RGS7BP: variants seen among roughly 807,000 people sequenced by gnomAD.
RGS7BP encodes the protein regulator of G protein signaling 7-binding protein.
RGS7BP carries 9 observed loss-of-function variants against 31.3 expected under a neutral mutation model. The observed-to-expected ratio is 0.29, with a 90% confidence interval of 0.17 to 0.50. The LOEUF is 0.50. Ranked by LOEUF, RGS7BP falls within the 20% of genes least tolerant of loss-of-function variation. RGS7BP has a pLI of 0.98. For synonymous variants in RGS7BP, 115 were observed against 120.1 expected (o/e 0.96, Z 0.28); for missense variants, 274 against 322.0 (o/e 0.85, Z 1.14).
intron 2 of RGS7BP, among the ~76,000 whole-genome samples, chr5:64,556,769 A>G (rs1460790517): frequency 6.6e-6 from 1 of 151,580 alleles, no homozygotes; most frequent in Non-Finnish European, 1.5e-5. Context: ...TATTATTTTT[A>G]TTTGACATTA....
chr5:64,556,358 TG>T (rs1194780629), intron 2 of RGS7BP, among the ~76,000 whole-genome samples: 1 of 79,382 alleles, frequency 1.3e-5, no homozygotes, highest in African/African-American at 4.2e-5. Context: ...TGATTTAAAG[TG>T]GAAAAATGTT....
At chr5:64,519,045 C>G (rs1165853460) in intron 2 of RGS7BP, among the ~76,000 whole-genome samples, 1 of 152,182 alleles carries the variant, frequency 6.6e-6, no homozygotes, top group African/African-American at 2.4e-5. Flanking sequence ...ACATCTCTCT[C>G]CATACCAGCT....
chr5:64,542,003 G>T (rs961315717), intron 2 of RGS7BP, among the ~76,000 whole-genome samples: 2 of 151,636 alleles, frequency 1.3e-5, no homozygotes, highest in Non-Finnish European at 2.9e-5. Context: ...TATAATCTGA[G>T]GTACGAATCC....
intron 2 of RGS7BP, among the ~76,000 whole-genome samples, chr5:64,553,171 C>CTT (rs542252038): frequency 0.026 from 3,028 of 118,164 alleles, 113 homozygotes; most frequent in Admixed American, 0.044. Flanking sequence ...TTCTTTCTTT[C>CTT]TTTTTTTTTT....
At chr5:64,576,660 G>A (rs992688645) in intron 3 of RGS7BP, among the ~76,000 whole-genome samples, 12 of 152,306 alleles carry the variant, frequency 7.9e-5, no homozygotes, top group African/African-American at 2.9e-4. Context: ...TAGATAGCGG[G>A]GAGGAATTCC....
At chr5:64,586,614 T>G (rs1742760790) in intron 3 of RGS7BP, among the ~76,000 whole-genome samples, 1 of 152,246 alleles carries the variant, frequency 6.6e-6, no homozygotes, top group Non-Finnish European at 1.5e-5. Context: ...TATGTTACAT[T>G]GAGAGGTGGT....
chr5:64,553,578 C>T (rs895547833), intron 2 of RGS7BP, among the ~76,000 whole-genome samples: 1 of 151,402 alleles, frequency 6.6e-6, no homozygotes, highest in African/African-American at 2.4e-5. Context: ...ATGCTTGCAC[C>T]CAATGTTTAG....
chr5:64,507,619 G>A (rs1379138713), intron 1 of RGS7BP, 92 bp from the exon 2 acceptor site: 10 of 1,178,554 alleles, frequency 8.5e-6, no homozygotes, highest in Non-Finnish European at 1.2e-5. Context: ...TGACTCAGGG[G>A]TCAGTGAAAG....
intron 2 of RGS7BP, among the ~76,000 whole-genome samples, chr5:64,548,317 GAC>G (rs1741708425): frequency 6.6e-6 from 1 of 152,050 alleles, no homozygotes; most frequent in African/African-American, 2.4e-5. Flanking sequence ...AAATAATAGA[GAC>G]ACATATTTAT....
At chr5:64,597,439 C>A (rs1057448435) in intron 4 of RGS7BP, among the ~76,000 whole-genome samples, 1 of 151,832 alleles carries the variant, frequency 6.6e-6, no homozygotes, top group Admixed American at 6.6e-5. Flanking sequence ...TCCCATACTG[C>A]GCCCCTTTCT....
At chr5:64,574,467 C>T (rs1245954608) in intron 2 of RGS7BP, among the ~76,000 whole-genome samples, 7 of 152,050 alleles carry the variant, frequency 4.6e-5, no homozygotes, top group South Asian at 2.1e-4. Context: ...GTGGCACCCA[C>T]GAGACACAAA....
rs1748678181 is a variant in RGS7BP at position 64,506,395 on chromosome 5, C to G, written c.-230C>G. 2.5e-6 allele frequency: 1 copy of G among 401,060 alleles called. No homozygotes were observed. Among genetic ancestry groups the G allele is most frequent in the Admixed American group, 4.1e-5 (1 of 24,134 alleles). 24.8% of individuals were successfully genotyped at this position (401,060 alleles called of 1,614,324 possible). A position where few individuals can be genotyped will look rare whatever the true frequency, so the allele number is the denominator to read the frequency against. On this transcript the variant is annotated 5_prime_UTR_variant, in exon 1 of 6. In the 5' UTR this introduces an upstream ATG that the reference lacks. Coordinates refer to ENST00000334025, the MANE Select transcript of RGS7BP (RefSeq NM_001029875.3). The surrounding 1 kb of genome is among the most constrained non-coding windows in gnomAD (Gnocchi z 4.6). ...GCAATGCTGCTGAGCAGAACTTGAT[C>G]GCGCTCCTTCCTCGCTGCTAGTGGA...
intron 2 of RGS7BP, among the ~76,000 whole-genome samples, chr5:64,512,054 T>G (rs2111875787): frequency 6.6e-6 from 1 of 152,008 alleles, no homozygotes; most frequent in Non-Finnish European, 1.5e-5. Context: ...AAGGTAGGAG[T>G]GGCCCCAGGA....
At chr5:64,592,924 C>G (rs1407717676) in intron 3 of RGS7BP, among the ~76,000 whole-genome samples, 1 of 152,182 alleles carries the variant, frequency 6.6e-6, no homozygotes, top group Admixed American at 6.5e-5. Context: ...AGATACATGA[C>G]TGGTAGACTG....
At chr5:64,524,363 A>C (rs1227470754) in intron 2 of RGS7BP, among the ~76,000 whole-genome samples, 1 of 152,168 alleles carries the variant, frequency 6.6e-6, no homozygotes, top group Non-Finnish European at 1.5e-5. Flanking sequence ...AAAGTAGTCA[A>C]GTGAAAGGGA....
intron 4 of RGS7BP, among the ~76,000 whole-genome samples, chr5:64,596,508 T>TG (rs1267356088): frequency 2.0e-5 from 3 of 152,160 alleles, no homozygotes; most frequent in Non-Finnish European, 4.4e-5. Context: ...GAGGAGACAG[T>TG]GCCTCAATCC....
At position 64,506,122 on chromosome 5, in the gene RGS7BP, T is replaced by C. The variant is rs1748668401; in HGVS notation, c.-503T>C. On this transcript the variant is annotated 5_prime_UTR_variant, in exon 1 of 6. Coordinates refer to ENST00000334025, the MANE Select transcript of RGS7BP (RefSeq NM_001029875.3). The surrounding 1 kb of genome is among the most constrained non-coding windows in gnomAD (Gnocchi z 4.6). Reference sequence around the variant, plus strand: ...TGCTTGCTTTGGGGACGGCCAGTCCTTCCAGGCCTGGCGACAGTGGAGGGA... The same window carrying C: ...TGCTTGCTTTGGGGACGGCCAGTCCCTCCAGGCCTGGCGACAGTGGAGGGA... 6.6e-6 allele frequency: 1 copy of C among 152,456 alleles called. No individual in the cohort carries two copies. Among genetic ancestry groups the C allele is most frequent in the African/African-American group, 2.4e-5 (1 of 41,432 alleles). 9.4% of individuals were successfully genotyped at this position (152,456 alleles called of 1,614,324 possible). A position where few individuals can be genotyped will look rare whatever the true frequency, so the allele number is the denominator to read the frequency against.
At chr5:64,568,570 G>A (rs17192238) in intron 2 of RGS7BP, among the ~76,000 whole-genome samples, 19,650 of 152,008 alleles carry the variant, frequency 0.13, 1,664 homozygotes, top group Middle Eastern at 0.34. Context: ...TGATGTTATC[G>A]ACCATTAACT....
chr5:64,587,779 C>T (rs577268852), intron 3 of RGS7BP, among the ~76,000 whole-genome samples: 85 of 152,292 alleles, frequency 5.6e-4, no homozygotes, highest in African/African-American at 2.0e-3. Context: ...AGAGCAGGCA[C>T]AGGGCCAAAA....
Sources: gnomAD v4.1 joint callset for allele counts (sites outside exome capture counted in the v4.1 genomes callset) on GRCh38, gnomAD v4.1.1 for gene constraint, Gnocchi (gnomAD v3.1) non-coding constraint, MANE v1.5 for transcripts, NCBI Gene and HGNC (gene_info 2026-07-23, HGNC 2026-07-21) for gene names.